TMEM178B: variants seen among roughly 807,000 people sequenced by gnomAD.
The protein encoded by TMEM178B is transmembrane protein 178B.
Under a neutral mutation model 31.0 loss-of-function variants are expected in TMEM178B, and 5 were observed. The ratio of observed to expected loss-of-function variants is 0.16; its 90% CI spans 0.08 to 0.34. The LOEUF (loss-of-function observed/expected upper bound fraction) is 0.34, where lower values mean the gene tolerates loss of function less well. Ranked by LOEUF, TMEM178B falls within the 10% of genes least tolerant of loss-of-function variation. TMEM178B has a pLI of 1.00. For synonymous variants in TMEM178B, 164 were observed against 164.0 expected (o/e 1.00, Z 0.00); for missense variants, 275 against 400.3 (o/e 0.69, Z 2.67).
intron 3 of TMEM178B, among the ~76,000 whole-genome samples, chr7:141,454,673 T>TGC (rs1414359841): frequency 6.6e-6 from 1 of 151,828 alleles, no homozygotes; most frequent in Non-Finnish European, 1.5e-5. Flanking sequence ...TTAGTGTATC[T>TGC]GCTCTACAGA....
At chr7:141,327,032 T>C (rs1425407553) in intron 2 of TMEM178B, among the ~76,000 whole-genome samples, 1 of 152,206 alleles carries the variant, frequency 6.6e-6, no homozygotes, top group Non-Finnish European at 1.5e-5. Context: ...TGAAATTCTT[T>C]CCATATGTCT....
intron 2 of TMEM178B, among the ~76,000 whole-genome samples, chr7:141,430,610 A>G (rs1240458092): frequency 6.6e-6 from 1 of 152,086 alleles, no homozygotes; most frequent in Admixed American, 6.5e-5. Flanking sequence ...TGCCAGTTGC[A>G]TCTCTATATG....
In TMEM178B at chr7:141,437,859, C is replaced by T. The variant is rs1801577535; in HGVS notation, c.634+114C>T. The T allele has an allele frequency of 3.6e-6, 5 of 1,389,128 alleles. No homozygotes were observed. In the South Asian group the frequency reaches 6.9e-5, roughly 19 times the overall value. 86.1% of individuals were successfully genotyped at this position (1,389,128 alleles called of 1,614,324 possible). A position where few individuals can be genotyped will look rare whatever the true frequency, so the allele number is the denominator to read the frequency against. ...GGGACCATGACGTGACTGGGGTTCT[C>T]ATTCACTCATCCATTGGTTCACAAG... On this transcript the variant is annotated intron_variant, in intron 3 of 3. Transcript: ENST00000565468.
intron 2 of TMEM178B, among the ~76,000 whole-genome samples, chr7:141,326,056 C>T (rs1315721901): frequency 6.6e-6 from 1 of 152,172 alleles, no homozygotes; most frequent in Non-Finnish European, 1.5e-5. Flanking sequence ...GTGAATAACC[C>T]TATTTTTATA....
intron 2 of TMEM178B, among the ~76,000 whole-genome samples, chr7:141,293,028 C>T (rs906469385): frequency 6.6e-6 from 1 of 152,024 alleles, no homozygotes; most frequent in Non-Finnish European, 1.5e-5. Flanking sequence ...GCAAAAGGGT[C>T]CTGTGAAATA....
intron 1 of TMEM178B, among the ~76,000 whole-genome samples, chr7:141,077,409 G>A (rs1421799711): frequency 3.9e-5 from 6 of 152,144 alleles, no homozygotes; most frequent in African/African-American, 1.4e-4. Context: ...TTGTTAAATC[G>A]ATGTTCATTA....
chr7:141,192,951 T>C (rs550691180), intron 1 of TMEM178B, among the ~76,000 whole-genome samples: 32 of 152,344 alleles, frequency 2.1e-4, no homozygotes, highest in Admixed American at 9.8e-4. Context: ...AATCTTAATG[T>C]ATTCCATCTT....
At chr7:141,429,089 A>C (rs1296281854) in intron 2 of TMEM178B, among the ~76,000 whole-genome samples, 1 of 152,220 alleles carries the variant, frequency 6.6e-6, no homozygotes, top group African/African-American at 2.4e-5. Flanking sequence ...TAGTACAGCC[A>C]TTATGGAAAA....
chr7:141,213,840 AGATGATTGTCACTAAATACTCCTG>A (rs1563119544), intron 2 of TMEM178B, among the ~76,000 whole-genome samples: 1 of 152,226 alleles, frequency 6.6e-6, no homozygotes, highest in African/African-American at 2.4e-5. Context: ...CTGCGTGTCC[AGATGATTGTCACTAAATACTCCTG>A]GCCTGAAATG....
At chr7:141,347,537 TA>T (rs1413867482) in intron 2 of TMEM178B, among the ~76,000 whole-genome samples, 1 of 152,056 alleles carries the variant, frequency 6.6e-6, no homozygotes, top group Non-Finnish European at 1.5e-5. Context: ...TGTGCAAAAA[TA>T]CTTATCTTTA....
chr7:141,142,417 T>C (rs538393902), intron 1 of TMEM178B, among the ~76,000 whole-genome samples: 1 of 149,000 alleles, frequency 6.7e-6, no homozygotes, highest in Non-Finnish European at 1.5e-5. Flanking sequence ...CTTTCTTTTT[T>C]TTTTTTTTGA....
intron 2 of TMEM178B, among the ~76,000 whole-genome samples, chr7:141,403,215 G>A (rs148228095): frequency 2.0e-5 from 3 of 152,314 alleles, no homozygotes; most frequent in East Asian, 1.9e-4. Context: ...CATGCAGCCG[G>A]CCATGTGTGA....
In TMEM178B at chr7:141,475,276, G is replaced by T. The variant is rs541257981; in HGVS notation, c.*4490G>T. ...GAGTTGACATACACACGTGATTCTC[G>T]TGTCTGTCTCTCAAAGCTCTCAATG... is the stretch of plus-strand genomic sequence containing the variant. On this transcript the variant is annotated 3_prime_UTR_variant, in exon 4 of 4. Coordinates refer to ENST00000565468, the MANE Select transcript of TMEM178B (RefSeq NM_001195278.2). The T allele has an allele frequency of 6.6e-6, 1 of 152,112 alleles. No homozygotes were observed. The highest frequency in any genetic ancestry group is 1.5e-5 in the Non-Finnish European group (1 of 68,012). 9.4% of individuals were successfully genotyped at this position (152,112 alleles called of 1,614,324 possible). A position where few individuals can be genotyped will look rare whatever the true frequency, so the allele number is the denominator to read the frequency against.
At chr7:141,502,695 G>C in the TMEM178B span, among the ~76,000 whole-genome samples, 2 of 151,956 alleles carry the variant, frequency 1.3e-5, no homozygotes, top group African/African-American at 2.4e-5. Context: ...GCTTGAACCC[G>C]GGAGGCGGAG....
chr7:141,196,021 A>C (rs1231904663), intron 1 of TMEM178B, among the ~76,000 whole-genome samples: 1 of 152,198 alleles, frequency 6.6e-6, no homozygotes, highest in Non-Finnish European at 1.5e-5. Flanking sequence ...TGGGAGATAC[A>C]ATTCAAGTTG....
At chr7:141,367,063 C>CGG (rs1563163209) in intron 2 of TMEM178B, among the ~76,000 whole-genome samples, 75 of 88,978 alleles carry the variant, frequency 8.4e-4, no homozygotes, top group African/African-American at 3.0e-3. Context: ...TGCTGCCATT[C>CGG]AGGGGGAGCC....
chr7:141,260,573 A>G (rs1797997861), intron 2 of TMEM178B, among the ~76,000 whole-genome samples: 1 of 152,180 alleles, frequency 6.6e-6, no homozygotes, highest in African/African-American at 2.4e-5. Flanking sequence ...CCTCATCCTT[A>G]GGAAGCAGGT....
chr7:141,436,722 G>A (rs1397620768), intron 2 of TMEM178B, among the ~76,000 whole-genome samples: 2 of 152,096 alleles, frequency 1.3e-5, no homozygotes, highest in African/African-American at 4.8e-5. Flanking sequence ...AGGGGTGGGA[G>A]CTGGGGAGGA....
intron 1 of TMEM178B, among the ~76,000 whole-genome samples, chr7:141,142,448 C>T (rs1255650462): frequency 1.3e-5 from 2 of 150,528 alleles, no homozygotes; most frequent in Non-Finnish European, 3.0e-5. Flanking sequence ...CGCTCTGTCA[C>T]CCAGGCTGGA....
Sources: allele counts gnomAD v4.1 joint callset (sites outside exome capture counted in the v4.1 genomes callset), GRCh38; gene constraint gnomAD v4.1.1; transcripts MANE v1.5; gene names NCBI Gene and HGNC (gene_info 2026-07-23, HGNC 2026-07-21).